DYM: variants seen among roughly 807,000 people sequenced by gnomAD.
DYM encodes dyggve-Melchior-Clausen syndrome protein.
DYM carries 78 observed loss-of-function variants against 93.1 expected under a neutral mutation model. The observed-to-expected ratio is 0.84, with a 90% CI of 0.70 to 1.01. The LOEUF (loss-of-function observed/expected upper bound fraction) is 1.01, where lower values mean the gene tolerates loss of function less well. DYM is among the 50% of genes least tolerant of loss of function. DYM has a pLI of 0.00. For missense variants in DYM, 789 were observed against 845.0 expected, an observed-to-expected ratio of 0.93 and a Z score of 0.82; for synonymous variants, 321 against 319.7, an observed-to-expected ratio of 1.00 and a Z score of -0.04.
chr18:49,295,387 G>A lies in DYM; in HGVS notation c.764-8771C>T, dbSNP rs368943852. On this transcript the variant is annotated intron_variant, in intron 8 of 17. Transcript: ENST00000675505. The stretch of plus-strand genomic sequence containing the variant: ...TTGAAGCAACAAAATATGTCTGCAT[G>A]ACTAAATTCCAACAAATGGGATATG... 1.3e-4 allele frequency among the ~76,000 whole-genome samples: 20 copies of A among 152,298 alleles called. No homozygotes were observed. The South Asian group carries it at 4.1e-3, about 32-fold the overall frequency.
chr18:49,065,707 T>C (rs2076336766), intron 17 of DYM, among the ~76,000 whole-genome samples: 2 of 152,026 alleles, frequency 1.3e-5, no homozygotes, highest in African/African-American at 2.4e-5. Flanking sequence ...ATCAAATATA[T>C]TATTCACTGA....
chr18:49,304,580 T>C (rs994386171), intron 8 of DYM, among the ~76,000 whole-genome samples: 1 of 152,188 alleles, frequency 6.6e-6, no homozygotes, highest in Non-Finnish European at 1.5e-5. Context: ...GCTTTTCAAA[T>C]GGTGACCTCT....
intron 15 of DYM, among the ~76,000 whole-genome samples, chr18:49,142,530 T>C (rs1004654137): frequency 6.6e-6 from 1 of 152,228 alleles, no homozygotes. Flanking sequence ...TACTCATGTA[T>C]TGAGAATACA....
intron 13 of DYM, among the ~76,000 whole-genome samples, chr18:49,216,006 G>A (rs1230940955): frequency 6.6e-6 from 1 of 152,230 alleles, no homozygotes; most frequent in Non-Finnish European, 1.5e-5. Flanking sequence ...GTCAAAGAAA[G>A]GGGTGACAGA....
At chr18:49,192,938 A>G (rs2096440640) in intron 14 of DYM, among the ~76,000 whole-genome samples, 1 of 152,200 alleles carries the variant, frequency 6.6e-6, no homozygotes, top group African/African-American at 2.4e-5. Flanking sequence ...CAAAGGGTAC[A>G]AAGCCCCAGT....
chr18:49,318,376 T>C (rs2062173659), intron 8 of DYM, among the ~76,000 whole-genome samples: 1 of 152,204 alleles, frequency 6.6e-6, no homozygotes, highest in Admixed American at 6.5e-5. Flanking sequence ...TCCCAGCACT[T>C]TGGGAGGCCA....
At chr18:49,383,376 T>C (rs981672177) in intron 3 of DYM, among the ~76,000 whole-genome samples, 3 of 152,156 alleles carry the variant, frequency 2.0e-5, no homozygotes, top group African/African-American at 4.8e-5. Flanking sequence ...AAGACACTGA[T>C]ACAGATGTTC....
At chr18:49,411,060 G>T (rs75491990) in intron 2 of DYM, among the ~76,000 whole-genome samples, 2,203 of 152,194 alleles carry the variant, frequency 0.014, 51 homozygotes, top group African/African-American at 0.05. Context: ...GTTGACCGAG[G>T]AAATGGGAGT....
rs1456591302 is a variant in DYM at position 49,038,473 on chromosome 18, C to T, written c.*5582G>A. ...CTTAAAGTTTACTTAAATATATCTA[C>T]ACCAGTTTCCTCATGGTTACTGTTT... is the stretch of plus-strand genomic sequence containing the variant. On this transcript the variant is annotated 3_prime_UTR_variant, in exon 18 of 18. Transcript: ENST00000675505. 1.3e-5 allele frequency among the ~76,000 whole-genome samples: 2 copies of T among 152,186 alleles called. No homozygotes were observed. Among genetic ancestry groups the T allele is most frequent in the Admixed American group, 6.5e-5 (1 of 15,284 alleles).
At chr18:49,285,055 C>A (rs1201937288) in intron 9 of DYM, among the ~76,000 whole-genome samples, 4 of 152,142 alleles carry the variant, frequency 2.6e-5, no homozygotes, top group African/African-American at 9.7e-5. Flanking sequence ...CTAGAAGGAT[C>A]CATCTTGGAA....
chr18:49,363,476 A>T (rs1006578037), intron 5 of DYM, among the ~76,000 whole-genome samples: 7 of 152,240 alleles, frequency 4.6e-5, no homozygotes, highest in Non-Finnish European at 8.8e-5. Context: ...GCTTGAAGGT[A>T]CTTTAGGCTC....
intron 1 of DYM, among the ~76,000 whole-genome samples, chr18:49,434,814 T>A (rs2080678665): frequency 6.6e-6 from 1 of 151,464 alleles, no homozygotes; most frequent in African/African-American, 2.4e-5. Flanking sequence ...AAAAATTTTT[T>A]AATTAGCCAG....
intron 8 of DYM, among the ~76,000 whole-genome samples, chr18:49,307,900 T>G (rs956604352): frequency 2.4e-4 from 36 of 152,210 alleles, no homozygotes; most frequent in African/African-American, 8.4e-4. Context: ...CCTGCTTTCT[T>G]GATGTGACCA....
rs1298314011 is a variant in DYM at position 49,169,424 on chromosome 18, ACACAGCAGAG to A, written c.1626-5647_1626-5638del. Among the ~76,000 whole-genome samples the A allele has an allele frequency of 3.3e-5, 5 of 152,340 alleles. No individual in the cohort carries two copies. The South Asian group carries it at 1.0e-3, about 32-fold the overall frequency. ...ACTGCACGTGCATCAAGTGTTGAGT[ACACAGCAGAG>A]CACAGCAATGAGGCTGGGTAGCAGT... On this transcript the variant is annotated intron_variant, in intron 14 of 17. Coordinates refer to ENST00000675505, the MANE Select transcript of DYM (RefSeq NM_001353214.3).
chr18:49,247,001 C>T (rs1462848425), intron 13 of DYM, among the ~76,000 whole-genome samples: 1 of 152,202 alleles, frequency 6.6e-6, no homozygotes, highest in Non-Finnish European at 1.5e-5. Flanking sequence ...CAGCCTTGTG[C>T]TCCGGGCTAT....
chr18:49,133,925 C>G (rs73441538), intron 15 of DYM, among the ~76,000 whole-genome samples: 5,423 of 152,148 alleles, frequency 0.036, 315 homozygotes, highest in African/African-American at 0.12. Flanking sequence ...ATTATTATAC[C>G]TACCACAATT....
intron 15 of DYM, among the ~76,000 whole-genome samples, chr18:49,147,599 T>C (rs928500869): frequency 4.0e-5 from 6 of 151,748 alleles, no homozygotes; most frequent in African/African-American, 1.5e-4. Flanking sequence ...AAAATGCTCA[T>C]CATCACTGGC....
At chr18:49,409,437 G>GT (rs2071946781) in intron 2 of DYM, among the ~76,000 whole-genome samples, 1 of 152,148 alleles carries the variant, frequency 6.6e-6, no homozygotes, top group Non-Finnish European at 1.5e-5. Context: ...AATTCAGGAG[G>GT]TGATGGAAGA....
intron 14 of DYM, among the ~76,000 whole-genome samples, chr18:49,186,823 C>A (rs980246694): frequency 1.3e-5 from 2 of 151,904 alleles, no homozygotes; most frequent in Admixed American, 6.6e-5. Context: ...ATTATAAATC[C>A]AACCATCACT....
Sources: gnomAD v4.1 joint callset for allele counts (sites outside exome capture counted in the v4.1 genomes callset) on GRCh38, gnomAD v4.1.1 for gene constraint, MANE v1.5 for transcripts, NCBI Gene and HGNC (gene_info 2026-07-23, HGNC 2026-07-21) for gene names.